NRG3: variants seen among roughly 807,000 people sequenced by gnomAD.
NRG3 encodes the protein pro-neuregulin-3, membrane-bound isoform.
NRG3 carries 31 observed loss-of-function variants against 66.9 expected under a neutral mutation model. The ratio of observed to expected loss-of-function variants is 0.46; its 90% confidence interval spans 0.35 to 0.63. NRG3 has a LOEUF of 0.63. Among genes scored for constraint, NRG3 ranks in the 20% least tolerant of loss-of-function variants. The probability of loss-of-function intolerance (pLI) is 0.00; values close to 1 mark genes in which losing one functional copy is unlikely to be tolerated. For missense variants in NRG3, 910 were observed against 878.9 expected (o/e 1.04, Z -0.45); for synonymous variants, 393 against 359.4 (o/e 1.09, Z -1.06).
intron 1 of NRG3, among the ~76,000 whole-genome samples, chr10:81,883,395 A>C (rs1322147367): frequency 6.6e-6 from 1 of 152,162 alleles, no homozygotes; most frequent in Non-Finnish European, 1.5e-5. Flanking sequence ...ATTGTACATA[A>C]ATCATAGATT....
chr10:82,107,899 G>A (rs1297193948), intron 1 of NRG3, among the ~76,000 whole-genome samples: 1 of 152,174 alleles, frequency 6.6e-6, no homozygotes, highest in Non-Finnish European at 1.5e-5. Context: ...AGGTAAGGTT[G>A]GTAAGTAAGA....
intron 1 of NRG3, among the ~76,000 whole-genome samples, chr10:82,176,855 C>A (rs2073066946): frequency 1.4e-5 from 2 of 145,788 alleles, no homozygotes; most frequent in Non-Finnish European, 3.0e-5. Flanking sequence ...GATTTGACAA[C>A]ACAAAGCCTC....
intron 2 of NRG3, among the ~76,000 whole-genome samples, chr10:82,685,138 C>A (rs1034633655): frequency 4.6e-5 from 5 of 108,850 alleles, no homozygotes; most frequent in Admixed American, 1.6e-4. Flanking sequence ...TAGACAGAGG[C>A]CCCCCCCAAA....
chr10:82,488,626 G>T (rs1842867341), intron 2 of NRG3, among the ~76,000 whole-genome samples: 1 of 152,144 alleles, frequency 6.6e-6, no homozygotes, highest in Admixed American at 6.5e-5. Flanking sequence ...AAGCAGAGAT[G>T]ACTTTTGTGG....
intron 1 of NRG3, among the ~76,000 whole-genome samples, chr10:82,068,828 A>C (rs2064640618): frequency 6.6e-6 from 1 of 152,154 alleles, no homozygotes; most frequent in African/African-American, 2.4e-5. Flanking sequence ...TCAGACTATA[A>C]AGTATGGAAT....
intron 2 of NRG3, among the ~76,000 whole-genome samples, chr10:82,597,705 G>A (rs1055091489): frequency 3.9e-5 from 6 of 151,936 alleles, no homozygotes; most frequent in African/African-American, 1.5e-4. Flanking sequence ...GGTGGATCAC[G>A]AGGTCATTAG....
chr10:82,175,141 T>C (rs1338069352), intron 1 of NRG3, among the ~76,000 whole-genome samples: 1 of 152,138 alleles, frequency 6.6e-6, no homozygotes, highest in Non-Finnish European at 1.5e-5. Flanking sequence ...CCCATCACTT[T>C]CTGTCATCCT....
intron 2 of NRG3, among the ~76,000 whole-genome samples, chr10:82,392,898 A>AT (rs59861426): frequency 6.7e-6 from 1 of 150,128 alleles, no homozygotes; most frequent in African/African-American, 2.5e-5. Context: ...ATATATATAT[A>AT]TTTTTTGCAG....
chr10:82,011,940 A>G (rs930637196), intron 1 of NRG3, among the ~76,000 whole-genome samples: 11 of 151,976 alleles, frequency 7.2e-5, no homozygotes, highest in African/African-American at 2.4e-4. Context: ...CGGTGGATCT[A>G]TCCTTCTGGG....
chr10:82,949,814 C>A (rs1380009817), intron 4 of NRG3, among the ~76,000 whole-genome samples: 1 of 151,794 alleles, frequency 6.6e-6, no homozygotes, highest in Non-Finnish European at 1.5e-5. Flanking sequence ...GGGATCACGC[C>A]ACTGCACTCC....
intron 4 of NRG3, among the ~76,000 whole-genome samples, chr10:82,913,235 GA>G (rs1221442653): frequency 2.0e-5 from 3 of 151,640 alleles, no homozygotes; most frequent in African/African-American, 4.8e-5. Flanking sequence ...TTTAAAAAAA[GA>G]AAAAAAGTAC....
At chr10:82,709,660 G>C (rs1241076856) in intron 2 of NRG3, among the ~76,000 whole-genome samples, 1 of 152,002 alleles carries the variant, frequency 6.6e-6, no homozygotes, top group Non-Finnish European at 1.5e-5. Flanking sequence ...ACCAGCGGCT[G>C]TTTAAGCTTG....
chr10:82,666,148 A>G (rs994710261), intron 2 of NRG3, among the ~76,000 whole-genome samples: 2 of 152,006 alleles, frequency 1.3e-5, no homozygotes, highest in African/African-American at 2.4e-5. Context: ...TTACAGATCC[A>G]TTTGCAAGCT....
At chr10:81,996,683 A>G (rs974692767) in intron 1 of NRG3, among the ~76,000 whole-genome samples, 1 of 152,026 alleles carries the variant, frequency 6.6e-6, no homozygotes, top group Non-Finnish European at 1.5e-5. Context: ...AAGAGGGGCT[A>G]GAGGAAGGAG....
chr10:82,457,234 C>T (rs1295154261), intron 2 of NRG3, among the ~76,000 whole-genome samples: 2 of 152,026 alleles, frequency 1.3e-5, no homozygotes, highest in African/African-American at 4.8e-5. Context: ...GCACCAGGGA[C>T]CAGTTTTGTG....
At chr10:82,406,759 C>A (rs893774459) in intron 2 of NRG3, among the ~76,000 whole-genome samples, 8 of 151,946 alleles carry the variant, frequency 5.3e-5, no homozygotes, top group Non-Finnish European at 1.2e-4. Context: ...ATTGTCTAAT[C>A]CCATGAGCTT....
chr10:82,093,666 A>G (rs1458055364), intron 1 of NRG3, among the ~76,000 whole-genome samples: 3 of 152,224 alleles, frequency 2.0e-5, no homozygotes, highest in Non-Finnish European at 4.4e-5. Flanking sequence ...TCCATAAAAC[A>G]TGAATTTCTA....
intron 1 of NRG3, among the ~76,000 whole-genome samples, chr10:81,945,578 T>A (rs542761481): frequency 2.0e-5 from 3 of 152,264 alleles, no homozygotes; most frequent in Admixed American, 2.0e-4. Context: ...ATACTTCAAA[T>A]CTTTATAAAA....
At chr10:82,025,748 A>T (rs2062270249) in intron 1 of NRG3, among the ~76,000 whole-genome samples, 1 of 152,126 alleles carries the variant, frequency 6.6e-6, no homozygotes, top group Non-Finnish European at 1.5e-5. Context: ...AAATTATTTA[A>T]TGAGCATATT....
Sources: gnomAD v4.1 joint callset for allele counts (sites outside exome capture counted in the v4.1 genomes callset) on GRCh38, gnomAD v4.1.1 for gene constraint, MANE v1.5 for transcripts, NCBI Gene and HGNC (gene_info 2026-07-23, HGNC 2026-07-21) for gene names.